The following VWA3A variants were observed in gnomAD, a reference collection of about 807,000 sequenced individuals.
The protein encoded by VWA3A is von Willebrand factor A domain containing 3A.
A neutral mutation model predicts 160.4 loss-of-function variants in VWA3A; 134 were observed. That is an observed-to-expected ratio of 0.84 (90% CI 0.73 to 0.96). VWA3A has a LOEUF of 0.96. VWA3A is among the 40% of genes least tolerant of loss of function. The pLI is 0.00. For missense variants in VWA3A, 1,310 were observed against 1,447.9 expected (o/e 0.90, Z 1.55); for synonymous variants, 476 against 543.4 (o/e 0.88, Z 1.72).
At chr16:22,133,649 C>CAAA (rs1230000179) in intron 20 of VWA3A, among the ~76,000 whole-genome samples, 18 of 81,944 alleles carry the variant, frequency 2.2e-4, no homozygotes, top group African/African-American at 5.0e-4. Context: ...AACTCTGTCT[C>CAAA]AAAAAAAAAA....
intron 1 of VWA3A, among the ~76,000 whole-genome samples, chr16:22,093,614 C>T (rs937383854): frequency 6.6e-6 from 1 of 152,160 alleles, no homozygotes; most frequent in African/African-American, 2.4e-5. Flanking sequence ...TTATGGTATT[C>T]TACATTTGTA....
At chr16:22,126,448 T>C (rs183471842) in intron 17 of VWA3A, among the ~76,000 whole-genome samples, 151 bp downstream of exon 17, 10 of 152,294 alleles carry the variant, frequency 6.6e-5, no homozygotes, top group Admixed American at 2.6e-4. Flanking sequence ...CTGATTTGGA[T>C]GATCTTGTTT....
chr16:22,105,333 A>G (rs1195207977), intron 6 of VWA3A, among the ~76,000 whole-genome samples: 1 of 152,144 alleles, frequency 6.6e-6, no homozygotes, highest in Non-Finnish European at 1.5e-5. Flanking sequence ...GCCCAGGGAA[A>G]CGATCACCTG....
intron 12 of VWA3A, 83 bp downstream of exon 12, chr16:22,119,110 G>T: frequency 6.8e-7 from 1 of 1,478,050 alleles, no homozygotes. Context: ...CTGTTCATAG[G>T]GGGCACAGCT....
chr16:22,107,776 C>T (rs573044941), intron 6 of VWA3A, among the ~76,000 whole-genome samples: 1 of 152,222 alleles, frequency 6.6e-6, no homozygotes, highest in East Asian at 1.9e-4. Flanking sequence ...ACCTGAGACT[C>T]TGCATTTCTA....
chr16:22,125,930 A>G (rs2141934512), intron 16 of VWA3A, among the ~76,000 whole-genome samples: 1 of 152,212 alleles, frequency 6.6e-6, no homozygotes, highest in East Asian at 1.9e-4. Flanking sequence ...TACCACTTAA[A>G]CCATCTCCAC....
chr16:22,097,568 G>A lies in VWA3A; in HGVS notation c.102-4G>A, dbSNP rs1274833271. The A allele has an allele frequency of 1.9e-6, 3 of 1,551,264 alleles. No homozygotes were observed. Among genetic ancestry groups the A allele is most frequent in the South Asian group, 1.2e-5 (1 of 84,054 alleles). On this transcript the variant is annotated splice_region_variant and splice_polypyrimidine_tract_variant and intron_variant, in intron 2 of 33. Transcript: ENST00000389398. ...CATTGATCAAATTACTTTATGTTTTGTAGCATTAGGAGAAACACTGGCAGA... is the reference window on the plus strand; with the variant it reads ...CATTGATCAAATTACTTTATGTTTTATAGCATTAGGAGAAACACTGGCAGA...
intron 25 of VWA3A, 129 bp from the exon 26 acceptor site, chr16:22,144,118 G>A: frequency 8.6e-7 from 1 of 1,167,336 alleles, no homozygotes; most frequent in Admixed American, 2.9e-5. Context: ...GATGCTCTGT[G>A]AGGACCTGGG....
rs1188356482 is a variant in VWA3A at position 22,122,261 on chromosome 16, GTGGATGGA to G, written c.1356+656_1356+663del. 7.6e-4 allele frequency among the ~76,000 whole-genome samples: 110 copies of G among 145,454 alleles called. No homozygotes were observed. The East Asian group carries it at 0.02, about 27-fold the overall frequency. ...GATGAATGGATGGATGGATGGATGA[GTGGATGGA>G]TGGATGGATGGGTGGATGGATGGAT... On this transcript the variant is annotated intron_variant, in intron 14 of 33. Coordinates refer to ENST00000389398, the MANE Select transcript of VWA3A (RefSeq NM_173615.5).
At chr16:22,099,723 A>G (rs2045378307) in intron 3 of VWA3A, among the ~76,000 whole-genome samples, 1 of 152,166 alleles carries the variant, frequency 6.6e-6, no homozygotes, top group Non-Finnish European at 1.5e-5. Context: ...GCAGTGAGCT[A>G]TGATCACACC....
chr16:22,131,815 A>G, intron 19 of VWA3A, 86 bp downstream of exon 19: 3 of 1,494,390 alleles, frequency 2.0e-6, no homozygotes, highest in Non-Finnish European at 2.7e-6. Context: ...AGGTTTCTGC[A>G]GCATGATTTC....
intron 27 of VWA3A, chr16:22,147,549 G>C (rs1293498948): frequency 4.3e-6 from 3 of 702,710 alleles, no homozygotes; most frequent in Non-Finnish European, 7.8e-6. Context: ...GTGCCACTCA[G>C]GGTCCTGTGT....
intron 3 of VWA3A, among the ~76,000 whole-genome samples, chr16:22,098,381 T>C (rs528422516): frequency 6.6e-6 from 1 of 152,318 alleles, no homozygotes; most frequent in South Asian, 2.1e-4. Flanking sequence ...GCAAGCTTAA[T>C]TAAAGGAGAC....
At chr16:22,119,651 C>A (rs888691196) in intron 12 of VWA3A, among the ~76,000 whole-genome samples, 2 of 152,200 alleles carry the variant, frequency 1.3e-5, no homozygotes, top group African/African-American at 4.8e-5. Context: ...GCCTGGGCAA[C>A]AGAGCGAGGC....
chr16:22,096,459 ATAAAATTT>A (rs2045323368), intron 1 of VWA3A, among the ~76,000 whole-genome samples: 1 of 152,162 alleles, frequency 6.6e-6, no homozygotes, highest in Non-Finnish European at 1.5e-5. Context: ...GACCTTGTCA[ATAAAATTT>A]TAAAAATGGC....
chr16:22,122,539 G>T (rs563092159), intron 14 of VWA3A, among the ~76,000 whole-genome samples: 16 of 152,240 alleles, frequency 1.1e-4, no homozygotes, highest in African/African-American at 3.4e-4. Context: ...AGACTGAAAG[G>T]AAGAGAGAAG....
At chr16:22,144,471 TA>T in intron 26 of VWA3A, 87 bp downstream of exon 26, 2 of 1,513,058 alleles carry the variant, frequency 1.3e-6, no homozygotes, top group Non-Finnish European at 1.8e-6. Context: ...CTGTGGCCTC[TA>T]TTTCTGCTTG....
At chr16:22,110,639 C>A (rs1328860856) in intron 7 of VWA3A, among the ~76,000 whole-genome samples, 1 of 152,206 alleles carries the variant, frequency 6.6e-6, no homozygotes, top group Non-Finnish European at 1.5e-5. Flanking sequence ...CTGGGTGCCA[C>A]AGGTAAGTGC....
In VWA3A at chr16:22,111,048, A is replaced by G. The variant is rs1046190516; in HGVS notation, c.689+54A>G. 2.7e-5 allele frequency: 39 copies of G among 1,446,264 alleles called. No homozygotes were observed. The Admixed American group carries it at 6.2e-4, about 23-fold the overall frequency. The allele number at this position is 1,446,264 out of a possible 1,614,324, so 89.6% of individuals were successfully genotyped here. The stretch of plus-strand genomic sequence containing the variant: ...GTTCACTTGTTCATTTTCCTCCCTA[A>G]CCAGCAGAGTCTTTATTGAATAATT... On this transcript the variant is annotated intron_variant, in intron 8 of 33. Transcript: ENST00000389398.
Sources: gnomAD v4.1 joint callset for allele counts (sites outside exome capture counted in the v4.1 genomes callset) on GRCh38, gnomAD v4.1.1 for gene constraint, MANE v1.5 for transcripts, NCBI Gene and HGNC (gene_info 2026-07-23, HGNC 2026-07-21) for gene names.